Variants in PCBD2 observed in about 807,000 individuals in gnomAD.
PCBD2 encodes the protein pterin-4 alpha-carbinolamine dehydratase 2.
Under a neutral mutation model 16.4 loss-of-function variants are expected in PCBD2, and 12 were observed. The observed-to-expected ratio is 0.73, with a 90% CI of 0.47 to 1.19. PCBD2 has a LOEUF of 1.19. PCBD2 is among the 50% of genes most tolerant of loss of function. The probability of loss-of-function intolerance (pLI) is 0.00; values close to 1 mark genes in which losing one functional copy is unlikely to be tolerated. For missense variants in PCBD2, 138 were observed against 156.8 expected, an observed-to-expected ratio of 0.88 and a Z score of 0.64; for synonymous variants, 58 against 61.8, an observed-to-expected ratio of 0.94 and a Z score of 0.29.
chr5:134,954,782 C>T lies in PCBD2; in HGVS notation c.217-4258C>T, dbSNP rs1246683846. On this transcript the variant is annotated intron_variant, in intron 2 of 3. Transcript: ENST00000254908. Reference sequence around the variant, plus strand: ...TTTGAGACAGGGTTTTGCTCTGTCACCCAGGCTGGAGTGCAGTGGTGCGAT... The same window carrying T: ...TTTGAGACAGGGTTTTGCTCTGTCATCCAGGCTGGAGTGCAGTGGTGCGAT... Among the ~76,000 whole-genome samples, 3 of 151,700 alleles carry T rather than the reference C, an allele frequency of 2.0e-5. No individual in the cohort carries two copies. In the South Asian group the frequency reaches 6.3e-4, roughly 32 times the overall value.
rs560032336 is a variant in PCBD2, at chr5:134,927,030, C to T, written c.216+16564C>T. ...GAGAATTATGATGCGACTGTGGGTA[C>T]GTTCGTAGTTTGAGTTTGCTAGGCA... is the stretch of plus-strand genomic sequence containing the variant. On this transcript the variant is annotated intron_variant, in intron 2 of 3. Transcript: ENST00000254908. 114 of 398,228 alleles carry T rather than the reference C, an allele frequency of 2.9e-4. 1 individual carries two copies. The highest frequency in any genetic ancestry group is 4.2e-4 in the Non-Finnish European group (95 of 226,034). 24.7% of individuals were successfully genotyped at this position (398,228 alleles called of 1,614,324 possible).
At chr5:134,943,121 A>G (rs1046871595) in intron 2 of PCBD2, among the ~76,000 whole-genome samples, 3 of 152,212 alleles carry the variant, frequency 2.0e-5, no homozygotes, top group East Asian at 3.8e-4. Context: ...AACTTCTGGT[A>G]CATGGATTAA....
At chr5:134,933,193 G>A (rs898986992) in intron 2 of PCBD2, among the ~76,000 whole-genome samples, 1 of 152,084 alleles carries the variant, frequency 6.6e-6, no homozygotes, top group African/African-American at 2.4e-5. Context: ...TTCATTTCAT[G>A]TATAGTGAAT....
intron 2 of PCBD2, among the ~76,000 whole-genome samples, chr5:134,914,038 G>T (rs1488509519): frequency 6.6e-6 from 1 of 152,142 alleles, no homozygotes; most frequent in Non-Finnish European, 1.5e-5. Flanking sequence ...TAGGAGGTGG[G>T]TGTAAGAGGC....
chr5:134,933,754 A>G (rs562629279), intron 2 of PCBD2, among the ~76,000 whole-genome samples: 135 of 152,312 alleles, frequency 8.9e-4, no homozygotes, highest in Admixed American at 1.6e-3. Context: ...CAGGATCTCC[A>G]TGCCCATTGA....
At chr5:134,923,423 TAG>T in intron 2 of PCBD2, 1 of 214,976 alleles carries the variant, frequency 4.7e-6, no homozygotes, top group South Asian at 1.7e-4. Flanking sequence ...AGGTGATTCC[TAG>T]GGGGTTGTTT....
chr5:134,953,560 C>T (rs1054474505), intron 2 of PCBD2, among the ~76,000 whole-genome samples: 4 of 152,028 alleles, frequency 2.6e-5, no homozygotes, highest in Non-Finnish European at 5.9e-5. Context: ...TTTGGAAGGC[C>T]GAGGCGGGCG....
chr5:134,960,155 G>A (rs997570655), intron 3 of PCBD2, among the ~76,000 whole-genome samples: 6 of 152,198 alleles, frequency 3.9e-5, no homozygotes, highest in African/African-American at 1.4e-4. Flanking sequence ...ACAGGTGTGA[G>A]CCACCATGCC....
intron 3 of PCBD2, 46 bp from the exon 4 acceptor site, chr5:134,960,540 A>T: frequency 7.4e-7 from 1 of 1,350,200 alleles, no homozygotes; most frequent in Non-Finnish European, 1.0e-6. Context: ...GAAAATAACC[A>T]TGATTTGCTG....
chr5:134,936,140 A>G (rs543104964), intron 2 of PCBD2, among the ~76,000 whole-genome samples: 1 of 152,362 alleles, frequency 6.6e-6, no homozygotes, highest in East Asian at 1.9e-4. Flanking sequence ...GGAACCTTGT[A>G]AAATATTTCT....
chr5:134,926,129 C>G (rs947818161), intron 2 of PCBD2: 5 of 328,304 alleles, frequency 1.5e-5, no homozygotes, highest in African/African-American at 1.1e-4. Flanking sequence ...ATGTTTGGGT[C>G]TGAGCTTATA....
intron 2 of PCBD2, among the ~76,000 whole-genome samples, chr5:134,934,016 A>T (rs1354063586): frequency 3.3e-5 from 5 of 152,212 alleles, no homozygotes; most frequent in Non-Finnish European, 7.3e-5. Context: ...ATTCAGGAAG[A>T]GTTATTTCAT....
intron 3 of PCBD2, 97 bp from the exon 4 acceptor site, chr5:134,960,489 T>C: frequency 1.2e-6 from 1 of 808,994 alleles, no homozygotes; most frequent in Non-Finnish European, 2.0e-6. Flanking sequence ...AATTCTCAAA[T>C]ATGAATGTTG....
Position 134,930,729 on chromosome 5 carries a change from G to C in PCBD2, c.216+20263G>C, listed in dbSNP as rs188525594. Among the ~76,000 whole-genome samples the C allele has an allele frequency of 2.6e-3, 394 of 152,304 alleles. 1 individual carries two copies. Among genetic ancestry groups the C allele is most frequent in the African/African-American group, 9.2e-3 (383 of 41,562 alleles). ...CACAACTACAGCCACAATCGGATGA[G>C]AATATTGATGTCCTGAGGGCCAGTG... On this transcript the variant is annotated intron_variant, in intron 2 of 3. Transcript: ENST00000254908.
At chr5:134,949,228 G>A (rs567038446) in intron 2 of PCBD2, among the ~76,000 whole-genome samples, 2 of 152,226 alleles carry the variant, frequency 1.3e-5, no homozygotes, top group Non-Finnish European at 2.9e-5. Flanking sequence ...CAGAGAAACA[G>A]TGCTAAAGAT....
intron 2 of PCBD2, among the ~76,000 whole-genome samples, chr5:134,949,582 A>G (rs1218324687): frequency 6.6e-6 from 1 of 152,218 alleles, no homozygotes; most frequent in East Asian, 1.9e-4. Flanking sequence ...TCCAGAGAAA[A>G]AAAGCATGGA....
At chr5:134,942,874 T>C (rs1751246091) in intron 2 of PCBD2, among the ~76,000 whole-genome samples, 1 of 152,220 alleles carries the variant, frequency 6.6e-6, no homozygotes. Flanking sequence ...TGATGCTCTT[T>C]CCATCATATT....
At chr5:134,918,404 C>CT (rs1184929693) in intron 2 of PCBD2, among the ~76,000 whole-genome samples, 1 of 152,130 alleles carries the variant, frequency 6.6e-6, no homozygotes, top group African/African-American at 2.4e-5. Context: ...ACTTGGGAGG[C>CT]TGAGGCAGGA....
intron 3 of PCBD2, among the ~76,000 whole-genome samples, chr5:134,960,194 T>C (rs1338718746): frequency 2.6e-5 from 4 of 152,200 alleles, no homozygotes; most frequent in African/African-American, 7.2e-5. Context: ...TAAACGTTGC[T>C]GCTAAGATAT....
Sources: allele counts gnomAD v4.1 joint callset (sites outside exome capture counted in the v4.1 genomes callset), GRCh38; gene constraint gnomAD v4.1.1; transcripts MANE v1.5; gene names NCBI Gene and HGNC (gene_info 2026-07-23, HGNC 2026-07-21).